Variants in DPM1 observed in about 807,000 individuals in gnomAD.
The protein encoded by DPM1 is dolichol-phosphate mannosyltransferase subunit 1.
DPM1 carries 27 observed loss-of-function variants against 39.0 expected under a neutral mutation model. The observed-to-expected ratio is 0.69, with a 90% CI of 0.51 to 0.95. DPM1 has a LOEUF of 0.95. Among genes scored for constraint, DPM1 ranks in the 40% least tolerant of loss-of-function variants. The pLI is 0.00. For synonymous variants in DPM1, 124 were observed against 109.0 expected (o/e 1.14, Z -0.86); for missense variants, 307 against 315.6 (o/e 0.97, Z 0.21).
At chr20:50,935,986 G>A (rs935995609) in intron 8 of DPM1, among the ~76,000 whole-genome samples, 162 bp downstream of exon 8, 1 of 152,160 alleles carries the variant, frequency 6.6e-6, no homozygotes, top group African/African-American at 2.4e-5. Context: ...CTGTTCAAAT[G>A]TACTAATATG....
At chr20:50,948,993 TG>T (rs774743412) in intron 2 of DPM1, among the ~76,000 whole-genome samples, 42 of 152,132 alleles carry the variant, frequency 2.8e-4, no homozygotes, top group Non-Finnish European at 5.0e-4. Context: ...CCAGAGTAGC[TG>T]GGATTACAGG....
intron 7 of DPM1, 42 bp downstream of exon 7, chr20:50,940,823 A>G: frequency 1.4e-6 from 2 of 1,439,512 alleles, no homozygotes; most frequent in Non-Finnish European, 2.0e-6. Context: ...AAAGAAAGTT[A>G]GCCAAGAAGT....
chr20:50,948,736 A>G, intron 2 of DPM1, 74 bp from the exon 3 acceptor site: 1 of 1,303,440 alleles, frequency 7.7e-7, no homozygotes, highest in Non-Finnish European at 1.1e-6. Context: ...CTTATTCAAA[A>G]GTGCATACTC....
Position 50,958,357 on chromosome 20 carries a change from C to T in DPM1, c.161+6G>A. ...ATTCTTCGGGGAGGGAGACCTGGTG[C>T]GCTACCTCTCGGAGAAGCTTTTCAC... On this transcript the variant is annotated splice_donor_region_variant and intron_variant, in intron 1 of 8. Transcript: ENST00000371588. 1 of 1,613,052 alleles carries T rather than the reference C, an allele frequency of 6.2e-7. No individual in the cohort carries two copies. Among genetic ancestry groups the T allele is most frequent in the African/African-American group, 1.3e-5 (1 of 75,058 alleles).
chr20:50,948,996 G>A (rs1193439187), intron 2 of DPM1, among the ~76,000 whole-genome samples: 3 of 152,084 alleles, frequency 2.0e-5, no homozygotes, highest in Non-Finnish European at 4.4e-5. Flanking sequence ...GAGTAGCTGG[G>A]ATTACAGGCA....
chr20:50,954,413 AC>A, intron 2 of DPM1, among the ~76,000 whole-genome samples: 1 of 152,098 alleles, frequency 6.6e-6, no homozygotes, highest in African/African-American at 2.4e-5. Flanking sequence ...AAACACGACA[AC>A]CCCCACAGTA....
rs17850343 is a variant in DPM1 at position 50,958,499 on chromosome 20, T to C, written c.25A>G (p.Ser9Gly). ...AGCTCCCGCCGAGACCTGCGAGGAC[T>C]ACGACTGACTTCCAAGGAGGCCATG... is the stretch of plus-strand genomic sequence containing the variant. MASLEVSR[S>G]PRRSRRELEV... The change falls in exon 1 of 9, where the codon AGT (serine) becomes GGT (glycine). Residue 9 changes from serine to glycine, a missense_variant. Transcript: ENST00000371588. 3 of 1,613,556 alleles carry C rather than the reference T, an allele frequency of 1.9e-6. No homozygotes were observed. The highest frequency in any genetic ancestry group is 1.6e-4 in the Middle Eastern group (1 of 6,062).
chr20:50,953,638 T>C (rs1254586635), intron 2 of DPM1, among the ~76,000 whole-genome samples: 1 of 152,218 alleles, frequency 6.6e-6, no homozygotes, highest in Non-Finnish European at 1.5e-5. Flanking sequence ...TTGAATTTTA[T>C]TGGGTTGATA....
chr20:50,942,076 C>A lies in DPM1; in HGVS notation c.449G>T (p.Gly150Val). 1 of 1,614,174 alleles carries A rather than the reference C, an allele frequency of 6.2e-7. No individual in the cohort carries two copies. Among genetic ancestry groups the A allele is most frequent in the African/African-American group, 1.3e-5 (1 of 75,066 alleles). Reference protein sequence around the residue: ...FDIVSGTRYKGNGGVYGWDLK... With the variant: ...FDIVSGTRYKVNGGVYGWDLK... ...ATCCCAGCCATATACACCTCCATTT[C>A]CTTTGTAGCGAGTTCCAGAGACAAT... is the stretch of plus-strand genomic sequence containing the variant. Residue 150 changes from glycine to valine, a missense_variant, in exon 6 of 9, where the codon GGA (glycine) becomes GTA (valine). This residue lies in a region of DPM1 where 206 missense variants were observed against 188.2 expected (regional missense o/e 1.09). Coordinates refer to ENST00000371588, the MANE Select transcript of DPM1 (RefSeq NM_003859.3).
chr20:50,938,949 C>G (rs2123075077), intron 7 of DPM1, among the ~76,000 whole-genome samples: 1 of 152,054 alleles, frequency 6.6e-6, no homozygotes, highest in Admixed American at 6.5e-5. Context: ...ATTGCACACT[C>G]CAGCCTGGGC....
intron 1 of DPM1, 108 bp from the exon 2 acceptor site, chr20:50,955,393 A>G: frequency 1.3e-6 from 1 of 788,370 alleles, no homozygotes; most frequent in South Asian, 1.6e-5. Flanking sequence ...GTATTGCTAT[A>G]TTAATCGTTG....
At position 50,958,472 on chromosome 20, in the gene DPM1, C is replaced by G. The variant is rs11553474; in HGVS notation, c.52G>C (p.Glu18Gln). 7 of 1,613,634 alleles carry G rather than the reference C, an allele frequency of 4.3e-6. No individual in the cohort carries two copies. Among genetic ancestry groups the G allele is most frequent in the Non-Finnish European group, 4.2e-6 (5 of 1,179,934 alleles). ...TTGTTCTGTCGTGGACTGCGCACTT[C>G]CAGCTCCCGCCGAGACCTGCGAGGA... ...RSPRRSRREL[E>Q]VRSPRQNKYS... The change falls in exon 1 of 9, where the codon GAA becomes CAA. Residue 18 changes from glutamate to glutamine, a missense_variant. By Grantham distance (29) the Glu-to-Gln change is conservative. This residue lies in a region of DPM1 where 206 missense variants were observed against 188.2 expected (regional missense o/e 1.09). Transcript: ENST00000371588.
intron 5 of DPM1, chr20:50,944,874 T>TA (rs1986167053): frequency 6.6e-6 from 1 of 152,256 alleles, no homozygotes; most frequent in African/African-American, 2.4e-5. Flanking sequence ...CTAGCATGCC[T>TA]GTATTAATGC....
At chr20:50,942,168 C>T (rs779876164) in intron 5 of DPM1, 42 bp from the exon 6 acceptor site, 24 of 1,533,670 alleles carry the variant, frequency 1.6e-5, no homozygotes, top group Non-Finnish European at 2.0e-5. Flanking sequence ...AGCCACTGAG[C>T]TTTCAACAGT....
intron 3 of DPM1, 152 bp downstream of exon 3, chr20:50,948,477 C>A: frequency 1.2e-6 from 1 of 835,452 alleles, no homozygotes; most frequent in East Asian, 2.5e-5. Context: ...TACAGGCGAC[C>A]CAAGTTATAC....
intron 7 of DPM1, among the ~76,000 whole-genome samples, chr20:50,937,121 G>A (rs776430956): frequency 1.3e-5 from 2 of 151,718 alleles, no homozygotes; most frequent in South Asian, 4.2e-4. Flanking sequence ...TGTGGGGAGA[G>A]GGGAGAAAGC....
chr20:50,945,752 A>G lies in DPM1; in HGVS notation c.383T>C (p.Ile128Thr). ...TAGTACCTACCTAATAAATTCAGGA[A>G]TAAATTTTGGCTGAAATTTGAAAAG... Reference protein sequence around the residue: ...DADLSHHPKFIPEFIRKQKEG... With the variant: ...DADLSHHPKFTPEFIRKQKEG... Residue 128 changes from isoleucine (I) to threonine (T), a missense_variant, in exon 5 of 9, where the codon ATT (isoleucine) becomes ACT (threonine). Coordinates refer to ENST00000371588, the MANE Select transcript of DPM1 (RefSeq NM_003859.3). 1.9e-6 allele frequency: 3 copies of G among 1,585,760 alleles called. No individual in the cohort carries two copies. Among genetic ancestry groups the G allele is most frequent in the Non-Finnish European group, 2.6e-6 (3 of 1,155,192 alleles).
intron 1 of DPM1, among the ~76,000 whole-genome samples, chr20:50,958,140 T>C (rs1229780768): frequency 1.3e-5 from 2 of 152,056 alleles, no homozygotes; most frequent in African/African-American, 4.8e-5. Flanking sequence ...TAAAGATAAA[T>C]GAGAGTCTCA....
chr20:50,949,808 T>C (rs1314766102), intron 2 of DPM1, among the ~76,000 whole-genome samples: 2 of 152,178 alleles, frequency 1.3e-5, no homozygotes, highest in Non-Finnish European at 2.9e-5. Flanking sequence ...AGGTTTCTAT[T>C]TGCATGGAAT....
Sources: gnomAD v4.1 joint callset for allele counts (sites outside exome capture counted in the v4.1 genomes callset) on GRCh38, gnomAD v4.1.1 for gene constraint, gnomAD v4.1.1 regional missense constraint, MANE v1.5 for transcripts, NCBI Gene and HGNC (gene_info 2026-07-23, HGNC 2026-07-21) for gene names.